PDCD1LG2: variants seen among roughly 807,000 people sequenced by gnomAD.
PDCD1LG2 encodes B7 dendritic cell molecule.
In PDCD1LG2, 32 loss-of-function variants were observed where a neutral mutation model predicts 28.2. The ratio of observed to expected loss-of-function variants is 1.13; its 90% CI spans 0.86 to 1.52. The LOEUF (loss-of-function observed/expected upper bound fraction) is 1.52, where lower values mean the gene tolerates loss of function less well. PDCD1LG2 is among the 40% of genes most tolerant of loss of function. The probability of loss-of-function intolerance (pLI) is 0.00; values close to 1 mark genes in which losing one functional copy is unlikely to be tolerated. For synonymous variants in PDCD1LG2, 116 were observed against 120.2 expected, an observed-to-expected ratio of 0.97 and a Z score of 0.23; for missense variants, 385 against 323.8, an observed-to-expected ratio of 1.19 and a Z score of -1.45.
chr9:5,515,922 CAAAAA>C (rs1204038026), intron 1 of PDCD1LG2, among the ~76,000 whole-genome samples: 183 of 30,258 alleles, frequency 6.0e-3, no homozygotes, highest in Non-Finnish European at 8.7e-3. Context: ...GACTCCATCT[CAAAAA>C]AAAAAAAAAA....
At chr9:5,555,797 ACTCTCTTAGC>A (rs1816428621) in intron 4 of PDCD1LG2, among the ~76,000 whole-genome samples, 1 of 152,132 alleles carries the variant, frequency 6.6e-6, no homozygotes. Context: ...TTGAAAACTC[ACTCTCTTAGC>A]CTGAACTTAG....
chr9:5,556,107 G>A (rs908774930), intron 4 of PDCD1LG2, among the ~76,000 whole-genome samples: 5 of 152,202 alleles, frequency 3.3e-5, no homozygotes, highest in African/African-American at 1.2e-4. Flanking sequence ...TCCAAATACA[G>A]TCTAAGCAGA....
At position 5,549,564 on chromosome 9, in the gene PDCD1LG2, T is replaced by C; in HGVS notation, c.591T>C (p.Thr197=). 6.2e-7 allele frequency: 1 copy of C among 1,614,198 alleles called. No homozygotes were observed. Among genetic ancestry groups the C allele is most frequent in the South Asian group, 1.1e-5 (1 of 91,080 alleles). Residue 197 remains threonine, a synonymous_variant, in exon 4 of 7, where the codon ACT becomes ACC. Transcript: ENST00000397747. ...ACTTCAGCTGTGTGTTCTGGAATAC[T>C]CACGTGAGGGAACTTACTTTGGCCA... The part of the protein sequence containing the change: ...GRNFSCVFWN[T]HVRELTLASI...
chr9:5,569,993 T>A lies in PDCD1LG2; in HGVS notation c.*34T>A, dbSNP rs780381544. The A allele has an allele frequency of 2.5e-5, 40 of 1,613,788 alleles. No individual in the cohort carries two copies. The highest frequency in any genetic ancestry group is 1.1e-4 in the South Asian group (10 of 91,086). ...TCTTGGGAGCCAGGGTGACCTGATA[T>A]GACATCTAAAGAAGCTTCTGGACTC... On this transcript the variant is annotated 3_prime_UTR_variant, in exon 7 of 7. Coordinates refer to ENST00000397747, the MANE Select transcript of PDCD1LG2 (RefSeq NM_025239.4). This position sits in a 1 kb window ranked among gnomAD's most constrained non-coding sequence, Gnocchi z 4.1.
Position 5,570,012 on chromosome 9 carries a change from T to C in PDCD1LG2, c.*53T>C. The C allele has an allele frequency of 4.3e-6, 7 of 1,610,924 alleles. No homozygotes were observed. Among genetic ancestry groups the C allele is most frequent in the Non-Finnish European group, 5.9e-6 (7 of 1,177,158 alleles). On this transcript the variant is annotated 3_prime_UTR_variant, in exon 7 of 7. Transcript: ENST00000397747. The stretch of plus-strand genomic sequence containing the variant: ...CTGATATGACATCTAAAGAAGCTTC[T>C]GGACTCTGAACAAGAATTCGGTGGC...
intron 5 of PDCD1LG2, 138 bp downstream of exon 5, chr9:5,557,890 G>T (rs1020409348): frequency 1.1e-5 from 12 of 1,091,942 alleles, no homozygotes; most frequent in Non-Finnish European, 1.6e-5. Context: ...AGCTTGTCTT[G>T]ATGATTATTT....
chr9:5,514,941 A>T (rs1430522399), intron 1 of PDCD1LG2, among the ~76,000 whole-genome samples: 2 of 152,172 alleles, frequency 1.3e-5, no homozygotes, highest in Non-Finnish European at 2.9e-5. Context: ...AGTCTTAAAA[A>T]ATGGGTAGAC....
chr9:5,522,215 C>T (rs1029809045), intron 1 of PDCD1LG2, among the ~76,000 whole-genome samples: 3 of 152,168 alleles, frequency 2.0e-5, no homozygotes, highest in Non-Finnish European at 4.4e-5. Flanking sequence ...TTGAAAAAAG[C>T]TATGGAAAGC....
At chr9:5,542,402 C>T (rs757157095) in intron 3 of PDCD1LG2, among the ~76,000 whole-genome samples, 5 of 152,134 alleles carry the variant, frequency 3.3e-5, no homozygotes, top group Non-Finnish European at 5.9e-5. Flanking sequence ...AACAGACAAC[C>T]CACAGAGTGG....
chr9:5,517,897 T>A (rs768289043), intron 1 of PDCD1LG2, among the ~76,000 whole-genome samples: 2 of 152,134 alleles, frequency 1.3e-5, no homozygotes, highest in African/African-American at 4.8e-5. Flanking sequence ...AAGGCAAGAC[T>A]AGAAGGTAAA....
rs141966615 is a variant in PDCD1LG2 at position 5,542,904 on chromosome 9, G to C, written c.362-6431G>C. Among the ~76,000 whole-genome samples the C allele has an allele frequency of 2.9e-3, 435 of 152,168 alleles. 4 individuals carry two copies. Among genetic ancestry groups the C allele is most frequent in the Non-Finnish European group, 4.7e-3 (322 of 68,002 alleles). On this transcript the variant is annotated intron_variant, in intron 3 of 6. Coordinates refer to ENST00000397747, the MANE Select transcript of PDCD1LG2 (RefSeq NM_025239.4). ...ACGCATTTTTATAGCAGCACAATTT[G>C]CAATTGCAAATATATGGAACCAGCC...
chr9:5,548,772 T>C (rs1196023281), intron 3 of PDCD1LG2, among the ~76,000 whole-genome samples: 1 of 152,214 alleles, frequency 6.6e-6, no homozygotes, highest in Non-Finnish European at 1.5e-5. Flanking sequence ...AGACATTATC[T>C]AGGTCTTTAT....
chr9:5,535,599 C>T (rs192824582), intron 3 of PDCD1LG2, among the ~76,000 whole-genome samples: 2,699 of 151,026 alleles, frequency 0.018, 82 homozygotes, highest in African/African-American at 0.062. Context: ...TTCTGAGGGA[C>T]GTGTGTGTGT....
intron 4 of PDCD1LG2, among the ~76,000 whole-genome samples, chr9:5,550,803 C>T (rs565991505): frequency 6.6e-6 from 1 of 152,250 alleles, no homozygotes; most frequent in East Asian, 1.9e-4. Flanking sequence ...AAGCTATTCT[C>T]CTGTCTCAGC....
chr9:5,557,067 A>T (rs758095879), intron 4 of PDCD1LG2, among the ~76,000 whole-genome samples: 2 of 152,174 alleles, frequency 1.3e-5, no homozygotes, highest in African/African-American at 2.4e-5. Flanking sequence ...ATTTCTTCCA[A>T]AAGGATCCTG....
intron 2 of PDCD1LG2, among the ~76,000 whole-genome samples, chr9:5,530,206 T>C (rs776067954): frequency 2.0e-5 from 3 of 152,186 alleles, no homozygotes; most frequent in Non-Finnish European, 4.4e-5. Flanking sequence ...ATTTTTGAAA[T>C]GCATCAAGCT....
intron 2 of PDCD1LG2, among the ~76,000 whole-genome samples, chr9:5,532,808 CGAAA>C (rs1285608779): frequency 2.6e-5 from 4 of 152,142 alleles, no homozygotes; most frequent in Non-Finnish European, 4.4e-5. Context: ...AAACATGGTA[CGAAA>C]GAAAGGAACG....
rs1816472077 is a variant in PDCD1LG2, at chr9:5,557,639, A to G, written c.653A>G (p.His218Arg). ...DLQSQMEPRT[H>R]PTWLLHIFIP... is the part of the protein sequence containing the mutation. ...CCAGGTCAGATGGAACCCAGGACCC[A>G]TCCAACTTGGCTGCTTCACATTTTC... is the stretch of plus-strand genomic sequence containing the variant. The change falls in exon 5 of 7, where the codon CAT becomes CGT. Residue 218 changes from histidine (H) to arginine (R), a missense_variant. By Grantham distance (29) the His-to-Arg change is conservative. Coordinates refer to ENST00000397747, the MANE Select transcript of PDCD1LG2 (RefSeq NM_025239.4). 3 of 1,613,924 alleles carry G rather than the reference A, an allele frequency of 1.9e-6. No individual in the cohort carries two copies. The South Asian group carries it at 3.3e-5, about 18-fold the overall frequency.
intron 3 of PDCD1LG2, among the ~76,000 whole-genome samples, chr9:5,540,371 G>C (rs1820665093): frequency 6.6e-6 from 1 of 151,702 alleles, no homozygotes; most frequent in East Asian, 1.9e-4. Context: ...CAGAAGAAAA[G>C]AAATTACAAA....
Sources: gnomAD v4.1 joint callset for allele counts (sites outside exome capture counted in the v4.1 genomes callset) on GRCh38, gnomAD v4.1.1 for gene constraint, Gnocchi (gnomAD v3.1) non-coding constraint, MANE v1.5 for transcripts, NCBI Gene and HGNC (gene_info 2026-07-23, HGNC 2026-07-21) for gene names.